The following TLE2 variants were observed in gnomAD, a reference collection of about 807,000 sequenced individuals.
The protein encoded by TLE2 is transducin-like enhancer protein 2.
A neutral mutation model predicts 97.2 loss-of-function variants in TLE2; 74 were observed. The ratio of observed to expected loss-of-function variants is 0.76; its 90% CI spans 0.63 to 0.92. TLE2 has a LOEUF of 0.92. Ranked by LOEUF, TLE2 falls within the 40% of genes least tolerant of loss-of-function variation. TLE2 has a pLI of 0.00. For synonymous variants in TLE2, 499 were observed against 432.1 expected (o/e 1.15, Z -1.92); for missense variants, 1,038 against 1,008.7 (o/e 1.03, Z -0.39).
chr19:3,016,874 G>A (rs2145168832), intron 8 of TLE2, among the ~76,000 whole-genome samples: 1 of 151,934 alleles, frequency 6.6e-6, no homozygotes, highest in South Asian at 2.1e-4. Flanking sequence ...CGCCTCCCGG[G>A]TTCACGCCAT....
chr19:3,013,690 A>G lies in TLE2; in HGVS notation c.852T>C (p.Pro284=), dbSNP rs771664334. Residue 284 remains proline (P), a synonymous_variant, in exon 11 of 20, where the codon CCT becomes CCC. Coordinates refer to ENST00000262953, the MANE Select transcript of TLE2 (RefSeq NM_003260.5). ...SLASSLGSPL[P]RAKELILNDL... ...TTACCAGGATGAGCTCCTTGGCTCT[A>G]GGCAGCGGTGAGCCAAGGCTAGAGG... is the stretch of plus-strand genomic sequence containing the variant. The G allele has an allele frequency of 3.4e-6, 5 of 1,464,844 alleles. No homozygotes were observed. Among genetic ancestry groups the G allele is most frequent in the Non-Finnish European group, 4.5e-6 (5 of 1,105,640 alleles). 90.7% of individuals were successfully genotyped at this position (1,464,844 alleles called of 1,614,324 possible).
intron 9 of TLE2, among the ~76,000 whole-genome samples, 176 bp from the exon 10 acceptor site, chr19:3,014,790 C>A (rs1026983198): frequency 6.6e-6 from 1 of 151,978 alleles, no homozygotes; most frequent in African/African-American, 2.4e-5. Context: ...TGCCCGCATC[C>A]GGGAAGGATG....
intron 5 of TLE2, among the ~76,000 whole-genome samples, chr19:3,021,114 A>AAAAGG (rs752326503): frequency 2.2e-4 from 10 of 45,450 alleles, no homozygotes; most frequent in Admixed American, 3.4e-4. Context: ...AAAAAAAAAA[A>AAAAGG]GGGGGGGGGG....
intron 11 of TLE2, among the ~76,000 whole-genome samples, chr19:3,012,263 A>T (rs2089612756): frequency 6.6e-6 from 1 of 151,814 alleles, no homozygotes; most frequent in Admixed American, 6.6e-5. Flanking sequence ...CAAAACGAAA[A>T]ACAAACAAAA....
At chr19:3,024,968 C>G in intron 5 of TLE2, 52 bp downstream of exon 5, 2 of 1,493,932 alleles carry the variant, frequency 1.3e-6, no homozygotes, top group Non-Finnish European at 1.8e-6. Context: ...TACCCCCTCC[C>G]GTCTTCTTCC....
At chr19:3,017,733 T>G (rs2089742882) in intron 8 of TLE2, 107 bp downstream of exon 8, 1 of 1,080,416 alleles carries the variant, frequency 9.3e-7, no homozygotes, top group East Asian at 2.6e-5. Context: ...ATCAAAGGCG[T>G]GAGCCACCAT....
intron 1 of TLE2, among the ~76,000 whole-genome samples, chr19:3,038,108 C>A (rs1309173466): frequency 1.3e-5 from 2 of 151,908 alleles, no homozygotes; most frequent in African/African-American, 4.8e-5. Context: ...GGGGACAGAG[C>A]GAGACTCTGT....
At chr19:3,001,246 C>T (rs2089351628) in intron 18 of TLE2, among the ~76,000 whole-genome samples, 2 of 150,234 alleles carry the variant, frequency 1.3e-5, no homozygotes, top group Non-Finnish European at 2.9e-5. Context: ...GCACTCCAGC[C>T]TGGGTAACGC....
chr19:3,015,647 A>T lies in TLE2; in HGVS notation c.678+6T>A. The T allele has an allele frequency of 6.2e-7, 1 of 1,601,994 alleles. No homozygotes were observed. The highest frequency in any genetic ancestry group is 8.5e-7 in the Non-Finnish European group (1 of 1,175,098). ...CCATCCCAGTCCTGCACCTGCCCCCACTCACATAAGGTCCTGATGGCTCCT... is the reference window on the plus strand; with the variant it reads ...CCATCCCAGTCCTGCACCTGCCCCCTCTCACATAAGGTCCTGATGGCTCCT... On this transcript the variant is annotated splice_donor_region_variant and intron_variant, in intron 9 of 19. Transcript: ENST00000262953.
rs771825948 is a variant in TLE2 at position 3,005,976 on chromosome 19, C to T, written c.1501-8G>A. 5.0e-6 allele frequency: 8 copies of T among 1,603,878 alleles called. No individual in the cohort carries two copies. The highest frequency in any genetic ancestry group is 1.7e-5 in the Admixed American group (1 of 59,818). On this transcript the variant is annotated splice_polypyrimidine_tract_variant and splice_region_variant and intron_variant, in intron 15 of 19. Transcript: ENST00000262953. ...AATGTAGTTGTCTCGGTTCTGGGGT[C>T]GGGGAGAGAAGCAGGGGCTGGGGGT...
Position 3,015,764 on chromosome 19 carries a change from C to A in TLE2, c.571-4G>T. On this transcript the variant is annotated splice_region_variant and splice_polypyrimidine_tract_variant and intron_variant, in intron 8 of 19. Transcript: ENST00000262953. ...CAGGGGGCGAGGGAGATGCACTCTG[C>A]GGAGAGACAAAGGCCGGGGGGAGAA... 1 of 1,600,876 alleles carries A rather than the reference C, an allele frequency of 6.2e-7. No individual in the cohort carries two copies. Among genetic ancestry groups the A allele is most frequent in the Non-Finnish European group, 8.5e-7 (1 of 1,174,124 alleles).
At chr19:3,014,655 C>A (rs1167718119) in intron 9 of TLE2, 41 bp from the exon 10 acceptor site, 2 of 1,540,120 alleles carry the variant, frequency 1.3e-6, no homozygotes, top group Admixed American at 1.9e-5. Context: ...TGGTCATGCC[C>A]CTGCCTCCAC....
chr19:3,018,750 G>A (rs1300610707), intron 7 of TLE2, among the ~76,000 whole-genome samples: 1 of 152,008 alleles, frequency 6.6e-6, no homozygotes, highest in Non-Finnish European at 1.5e-5. Context: ...GAGTAGCTGA[G>A]ATTACAGGCA....
intron 4 of TLE2, among the ~76,000 whole-genome samples, 178 bp downstream of exon 4, chr19:3,027,651 G>A (rs905408122): frequency 7.2e-5 from 11 of 152,084 alleles, no homozygotes; most frequent in African/African-American, 2.7e-4. Flanking sequence ...TTCCTTCCAC[G>A]AGGCTGAAAT....
At chr19:3,024,112 T>C (rs1404777217) in intron 5 of TLE2, among the ~76,000 whole-genome samples, 1 of 150,438 alleles carries the variant, frequency 6.6e-6, no homozygotes, top group Non-Finnish European at 1.5e-5. Flanking sequence ...TCTATTCTCC[T>C]GCCTCAGCCT....
At chr19:3,016,419 C>CAAAAAAA (rs34669546) in intron 8 of TLE2, among the ~76,000 whole-genome samples, 11 of 91,550 alleles carry the variant, frequency 1.2e-4, no homozygotes, top group Non-Finnish European at 1.5e-4. Flanking sequence ...ACTAAAAATA[C>CAAAAAAA]AAAAAAAAAA....
At position 3,042,222 on chromosome 19, in the gene TLE2, GGGAGGGGAGA is replaced by G. The variant is rs539833045; in HGVS notation, c.63+3494_63+3503del. Reference sequence around the variant, plus strand: ...CAAAGGGGGAGGCGGCAAAGGGGAGGGGAGGGGAGAGGAGGGGAGAGGAGGAGGCCCCCGG... The same window carrying G: ...CAAAGGGGGAGGCGGCAAAGGGGAGGGGAGGGGAGAGGAGGAGGCCCCCGG... On this transcript the variant is annotated intron_variant, in intron 1 of 18. Transcript: ENST00000426948. Among the ~76,000 whole-genome samples the G allele has an allele frequency of 2.2e-3, 307 of 136,634 alleles. 1 individual carries two copies. The highest frequency in any genetic ancestry group is 0.013 in the East Asian group (59 of 4,578). 89.6% of individuals were successfully genotyped at this position (136,634 alleles called of 152,430 possible). A position where few individuals can be genotyped will look rare whatever the true frequency, so the allele number is the denominator to read the frequency against.
At chr19:3,040,991 TTA>T (rs1168113732) in intron 1 of TLE2, among the ~76,000 whole-genome samples, 1,835 of 29,730 alleles carry the variant, frequency 0.062, 128 homozygotes, top group Non-Finnish European at 0.069. Context: ...CTGCTGCCAT[TTA>T]TATATATATA....
intron 5 of TLE2, chr19:3,020,488 C>G: frequency 6.6e-6 from 1 of 152,064 alleles, no homozygotes; most frequent in East Asian, 1.9e-4. Flanking sequence ...ATGGACCCTT[C>G]TCCTAGGTTA....
Sources: allele counts gnomAD v4.1 joint callset (sites outside exome capture counted in the v4.1 genomes callset), GRCh38; gene constraint gnomAD v4.1.1; transcripts MANE v1.5; gene names NCBI Gene and HGNC (gene_info 2026-07-23, HGNC 2026-07-21).